Variants in KLHL1 observed in about 807,000 individuals in gnomAD.
The protein encoded by KLHL1 is kelch like family member 1.
KLHL1 carries 47 observed loss-of-function variants against 77.7 expected under a neutral mutation model. That is an observed-to-expected ratio of 0.60 (90% confidence interval 0.48 to 0.77). KLHL1 has a LOEUF of 0.77. KLHL1 is among the 30% of genes least tolerant of loss of function. The pLI, the probability that KLHL1 is intolerant of heterozygous loss-of-function variation, is 0.00. For synonymous variants in KLHL1, 360 were observed against 325.2 expected, an observed-to-expected ratio of 1.11 and a Z score of -1.15; for missense variants, 925 against 910.8, an observed-to-expected ratio of 1.02 and a Z score of -0.20.
chr13:69,919,850 T>C (rs950233771), intron 4 of KLHL1, among the ~76,000 whole-genome samples: 1 of 152,204 alleles, frequency 6.6e-6, no homozygotes, highest in Admixed American at 6.5e-5. Flanking sequence ...TTATTTCAGT[T>C]CTGACTATTC....
chr13:69,751,039 T>C (rs1874454388), intron 7 of KLHL1, among the ~76,000 whole-genome samples: 2 of 151,900 alleles, frequency 1.3e-5, no homozygotes, highest in South Asian at 4.2e-4. Context: ...ACTAGTATCA[T>C]TGCAGAATGT....
chr13:69,778,442 G>T (rs1017547146), intron 7 of KLHL1, among the ~76,000 whole-genome samples: 36 of 152,078 alleles, frequency 2.4e-4, no homozygotes, highest in Admixed American at 1.3e-4. Context: ...TATAGAAAAA[G>T]AAATCATTTC....
intron 6 of KLHL1, among the ~76,000 whole-genome samples, chr13:69,798,820 C>A (rs12429100): frequency 0.12 from 17,646 of 152,084 alleles, 1,223 homozygotes; most frequent in African/African-American, 0.19. Flanking sequence ...GTAATCCCAG[C>A]ACTTTGTGAG....
At chr13:69,882,208 G>T in intron 5 of KLHL1, 75 bp downstream of exon 5, 1 of 961,638 alleles carries the variant, frequency 1.0e-6, no homozygotes, top group Non-Finnish European at 1.6e-6. Flanking sequence ...AATTAAAAAT[G>T]TGTTTTGATG....
chr13:69,803,555 G>A (rs921311429), intron 6 of KLHL1, among the ~76,000 whole-genome samples: 4 of 152,248 alleles, frequency 2.6e-5, no homozygotes, highest in South Asian at 4.1e-4. Context: ...GTCCATGAAC[G>A]GCTACGCTAT....
rs572297645 is a variant in KLHL1, at chr13:69,782,314, G to A, written c.1639+14424C>T. ...CACTAGGGAGTGCCAGACAGTGGGC[G>A]CAGGTCAGTGGGTGCAGCGCACCGT... On this transcript the variant is annotated intron_variant, in intron 7 of 10. Coordinates refer to ENST00000377844, the MANE Select transcript of KLHL1 (RefSeq NM_020866.3). Among the ~76,000 whole-genome samples the A allele has an allele frequency of 1.2e-4, 19 of 152,326 alleles. No individual in the cohort carries two copies. The East Asian group carries it at 2.1e-3, about 17-fold the overall frequency.
intron 8 of KLHL1, among the ~76,000 whole-genome samples, chr13:69,720,489 C>T (rs943627519): frequency 1.3e-5 from 2 of 151,986 alleles, no homozygotes; most frequent in Non-Finnish European, 2.9e-5. Context: ...CTCAATTCTG[C>T]TGAAACAGGG....
At chr13:69,880,488 T>C (rs916162304) in intron 5 of KLHL1, among the ~76,000 whole-genome samples, 1 of 152,150 alleles carries the variant, frequency 6.6e-6, no homozygotes, top group Non-Finnish European at 1.5e-5. Context: ...TGTTTAAAAT[T>C]TTGTTAATAG....
intron 1 of KLHL1, among the ~76,000 whole-genome samples, chr13:70,087,256 A>G (rs560325240): frequency 2.0e-5 from 3 of 152,304 alleles, no homozygotes; most frequent in Non-Finnish European, 4.4e-5. Flanking sequence ...GGCGATTTAT[A>G]TTAAAATTGG....
chr13:70,045,321 T>G (rs1402469664), intron 1 of KLHL1, among the ~76,000 whole-genome samples: 1 of 152,180 alleles, frequency 6.6e-6, no homozygotes, highest in Non-Finnish European at 1.5e-5. Context: ...CTTTACTTTT[T>G]GCTGTACAGT....
At chr13:69,760,810 AT>A (rs1470087274) in intron 7 of KLHL1, among the ~76,000 whole-genome samples, 2 of 152,154 alleles carry the variant, frequency 1.3e-5, no homozygotes, top group Non-Finnish European at 2.9e-5. Context: ...GGAGTCCTCA[AT>A]TTTAAATGCA....
At chr13:69,865,168 C>T (rs910613591) in intron 5 of KLHL1, among the ~76,000 whole-genome samples, 3 of 152,070 alleles carry the variant, frequency 2.0e-5, no homozygotes, top group African/African-American at 7.2e-5. Flanking sequence ...AACTCCTGGC[C>T]TCAAGCAGTC....
chr13:69,893,375 C>T (rs886418811), intron 4 of KLHL1, among the ~76,000 whole-genome samples: 1 of 151,808 alleles, frequency 6.6e-6, no homozygotes, highest in Non-Finnish European at 1.5e-5. Flanking sequence ...GCTGGGACTA[C>T]AGGCGCCCGC....
At chr13:69,780,725 T>TAC (rs1876127992) in intron 7 of KLHL1, among the ~76,000 whole-genome samples, 2 of 56,722 alleles carry the variant, frequency 3.5e-5, no homozygotes, top group African/African-American at 6.1e-5. Flanking sequence ...TGTATATATA[T>TAC]ATATATACAT....
chr13:69,770,297 G>T (rs1210143365), intron 7 of KLHL1, among the ~76,000 whole-genome samples: 2 of 152,222 alleles, frequency 1.3e-5, no homozygotes, highest in East Asian at 3.9e-4. Context: ...GCCAAGTGCA[G>T]CCTGCTGGCC....
intron 7 of KLHL1, among the ~76,000 whole-genome samples, chr13:69,786,405 C>A (rs770411108): frequency 5.9e-5 from 9 of 152,152 alleles, no homozygotes; most frequent in Admixed American, 3.9e-4. Context: ...AAGACAAAAA[C>A]CCCATGATTA....
chr13:70,069,984 C>T (rs1464435796), intron 1 of KLHL1, among the ~76,000 whole-genome samples: 2 of 151,708 alleles, frequency 1.3e-5, no homozygotes, highest in Non-Finnish European at 2.9e-5. Context: ...CTGGCTAACA[C>T]GGTGAAACCC....
At chr13:69,734,175 G>A (rs568461681) in intron 8 of KLHL1, among the ~76,000 whole-genome samples, 6 of 152,088 alleles carry the variant, frequency 3.9e-5, no homozygotes, top group East Asian at 1.9e-4. Context: ...GTGAGTGCTC[G>A]TGAGATCTGG....
At chr13:69,789,756 A>G (rs1876772174) in intron 7 of KLHL1, among the ~76,000 whole-genome samples, 1 of 152,170 alleles carries the variant, frequency 6.6e-6, no homozygotes, top group Non-Finnish European at 1.5e-5. Flanking sequence ...CCTCACCTTG[A>G]AAACGTAAGG....
Sources: gnomAD v4.1 joint callset for allele counts (sites outside exome capture counted in the v4.1 genomes callset) on GRCh38, gnomAD v4.1.1 for gene constraint, MANE v1.5 for transcripts, NCBI Gene and HGNC (gene_info 2026-07-23, HGNC 2026-07-21) for gene names.